The following EWSR1 variants were observed in gnomAD, a reference collection of about 807,000 sequenced individuals.
The protein encoded by EWSR1 is EWS RNA binding protein 1, also known as RNA-binding protein EWS.
EWSR1 carries 14 observed loss-of-function variants against 92.1 expected under a neutral mutation model. The observed-to-expected ratio is 0.15, with a 90% CI of 0.10 to 0.24. The LOEUF (loss-of-function observed/expected upper bound fraction) is 0.24. EWSR1 is among the 10% of genes least tolerant of loss of function. The probability of loss-of-function intolerance (pLI) is 1.00; values close to 1 mark genes in which losing one functional copy is unlikely to be tolerated. For synonymous variants in EWSR1, 303 were observed against 292.9 expected (o/e 1.03, Z -0.35); for missense variants, 637 against 870.9 (o/e 0.73, Z 3.38).
chr22:29,295,028 A>C (rs749367250), intron 11 of EWSR1, among the ~76,000 whole-genome samples: 12 of 151,898 alleles, frequency 7.9e-5, no homozygotes, highest in Non-Finnish European at 2.9e-5. Context: ...AAATGCTTTT[A>C]GTGTCTACTG....
intron 4 of EWSR1, chr22:29,276,035 T>G: frequency 4.3e-6 from 1 of 231,732 alleles, no homozygotes; most frequent in Non-Finnish European, 8.5e-6. Flanking sequence ...GGTTATTTAT[T>G]AACCCAGTGT....
rs550789565 is a variant in EWSR1 at position 29,299,442 on chromosome 22, C to G, written c.1678+111C>G. ...CCTCTGCTTAACAACTTTGAGTTGT[C>G]GTGTCCTCATTTCTAAATTGTCAGC... On this transcript the variant is annotated intron_variant, in intron 15 of 16. Transcript: ENST00000397938. 3 of 1,495,176 alleles carry G rather than the reference C, an allele frequency of 2.0e-6. No individual in the cohort carries two copies. In the East Asian group the frequency reaches 7.0e-5, roughly 35 times the overall value. The allele number at this position is 1,495,176 out of a possible 1,614,324, so 92.6% of individuals were successfully genotyped here. A position where few individuals can be genotyped will look rare whatever the true frequency, so the allele number is the denominator to read the frequency against.
At chr22:29,300,011 CCCCTT>C in intron 16 of EWSR1, 106 bp from the exon 17 acceptor site, 1 of 651,546 alleles carries the variant, frequency 1.5e-6, no homozygotes. Context: ...GGCTTCCTCA[CCCCTT>C]CCCATTCTAA....
In EWSR1 at chr22:29,278,195, C is replaced by A. The variant is rs200282253; in HGVS notation, c.392C>A (p.Pro131Gln). Residue 131 changes from proline to glutamine, a missense_variant, in exon 5 of 17, where the codon CCA (proline) becomes CAA (glutamine). Pro to Gln is a moderately conservative substitution (Grantham distance 76). Around this residue, in one of 5 missense-constraint regions of EWSR1, gnomAD observed 144 missense variants for 189.0 expected, o/e 0.76. Coordinates refer to ENST00000397938, the MANE Select transcript of EWSR1 (RefSeq NM_005243.4). ...GCTTATCCAGCCTATGGGCAGCAGC[C>A]AGCAGCCACTGCACCTACAAGGTAA... is the stretch of plus-strand genomic sequence containing the variant. Reference protein sequence around the residue: ...QPAYPAYGQQPAATAPTRPQD... With the variant: ...QPAYPAYGQQQAATAPTRPQD... 3.1e-6 allele frequency: 5 copies of A among 1,613,856 alleles called. No homozygotes were observed. Among genetic ancestry groups the A allele is most frequent in the Non-Finnish European group, 4.2e-6 (5 of 1,179,984 alleles).
chr22:29,277,495 G>C (rs2059214176), intron 4 of EWSR1: 1 of 226,760 alleles, frequency 4.4e-6, no homozygotes, highest in Non-Finnish European at 8.7e-6. Context: ...GTTAGTGCTT[G>C]GGACCAAAAG....
At chr22:29,274,245 T>A (rs2058928389) in intron 4 of EWSR1, 2 of 1,613,710 alleles carry the variant, frequency 1.2e-6, no homozygotes, top group East Asian at 2.2e-5. Flanking sequence ...CCTCTACTTT[T>A]TGTTTTGTGC....
chr22:29,288,418 C>T (rs1372505523), intron 7 of EWSR1, among the ~76,000 whole-genome samples, 188 bp from the exon 8 acceptor site: 1 of 152,156 alleles, frequency 6.6e-6, no homozygotes, highest in Non-Finnish European at 1.5e-5. Context: ...GTTATTTCAG[C>T]TGTGATGATC....
chr22:29,299,649 G>A lies in EWSR1; in HGVS notation c.1729G>A (p.Gly577Ser). The change falls in exon 16 of 17, where the codon GGC (glycine) becomes AGC (serine). Residue 577 changes from glycine to serine, a missense_variant. By Grantham distance (56) the Gly-to-Ser change is moderately conservative. Around this residue, in one of 5 missense-constraint regions of EWSR1, gnomAD observed 363 missense variants for 447.8 expected, o/e 0.81. Coordinates refer to ENST00000397938, the MANE Select transcript of EWSR1 (RefSeq NM_005243.4). Reference protein sequence around the residue: ...GPGGMRGGRGGLMDRGGPGGM... With the variant: ...GPGGMRGGRGSLMDRGGPGGM... ...TGGTGGCATGCGGGGAGGAAGAGGT[G>A]GCCTCATGGATCGTGGTGGTCCCGG... 3 of 1,610,342 alleles carry A rather than the reference G, an allele frequency of 1.9e-6. No individual in the cohort carries two copies. Among genetic ancestry groups the A allele is most frequent in the Non-Finnish European group, 1.7e-6 (2 of 1,178,098 alleles).
intron 11 of EWSR1, 93 bp from the exon 12 acceptor site, chr22:29,296,146 G>C: frequency 7.6e-7 from 1 of 1,315,040 alleles, no homozygotes; most frequent in South Asian, 1.4e-5. Flanking sequence ...TACTACATGT[G>C]AGAAATTGGT....
chr22:29,282,843 A>G (rs982868943), intron 6 of EWSR1, among the ~76,000 whole-genome samples: 19 of 149,638 alleles, frequency 1.3e-4, no homozygotes, highest in Admixed American at 6.7e-4. Context: ...GCTCACTGCA[A>G]GCTCCACCTC....
chr22:29,283,431 C>A (rs2059770865), intron 6 of EWSR1, among the ~76,000 whole-genome samples: 1 of 151,828 alleles, frequency 6.6e-6, no homozygotes, highest in African/African-American at 2.4e-5. Flanking sequence ...TCTCCGCTCA[C>A]TGCAACCTCT....
chr22:29,293,534 G>A (rs528788648), intron 11 of EWSR1, among the ~76,000 whole-genome samples: 4 of 152,134 alleles, frequency 2.6e-5, no homozygotes, highest in South Asian at 2.1e-4. Flanking sequence ...TTTTCCCCAT[G>A]AAGATTTTAT....
At chr22:29,288,549 C>G in intron 7 of EWSR1, 57 bp from the exon 8 acceptor site, 1 of 1,492,564 alleles carries the variant, frequency 6.7e-7, no homozygotes, top group Non-Finnish European at 9.0e-7. Flanking sequence ...GGAGAAAGTA[C>G]ATCAGGCAGT....
chr22:29,286,813 T>C (rs1429300672), intron 6 of EWSR1, 110 bp from the exon 7 acceptor site: 9 of 737,428 alleles, frequency 1.2e-5, no homozygotes, highest in South Asian at 7.3e-5. Flanking sequence ...AACTACTGTT[T>C]TATGGATGTC....
intron 16 of EWSR1, 95 bp downstream of exon 16, chr22:29,299,946 A>C: frequency 6.5e-7 from 1 of 1,539,416 alleles, no homozygotes; most frequent in African/African-American, 1.4e-5. Context: ...GTCTCTAGGA[A>C]GCTTGTGATA....
chr22:29,292,010 G>A lies in EWSR1; in HGVS notation c.1013-127G>A, dbSNP rs2060475594. 6.0e-6 allele frequency: 5 copies of A among 839,794 alleles called. No homozygotes were observed. The South Asian group carries it at 7.0e-5, about 12-fold the overall frequency. 52.0% of individuals were successfully genotyped at this position (839,794 alleles called of 1,614,324 possible). A position where few individuals can be genotyped will look rare whatever the true frequency, so the allele number is the denominator to read the frequency against. On this transcript the variant is annotated intron_variant, in intron 9 of 16. Transcript: ENST00000397938. The stretch of plus-strand genomic sequence containing the variant: ...AGACACTGCTCCATTTTAGCAGTGC[G>A]GGTCATTTTGAGTTTAATGAATCCC...
intron 5 of EWSR1, among the ~76,000 whole-genome samples, chr22:29,281,111 C>T (rs1419860269): frequency 6.6e-6 from 1 of 151,778 alleles, no homozygotes; most frequent in Non-Finnish European, 1.5e-5. Context: ...GATCTCCTGA[C>T]CTCGTGATCC....
intron 8 of EWSR1, 25 bp downstream of exon 8, chr22:29,288,811 T>G: frequency 6.5e-7 from 1 of 1,542,992 alleles, no homozygotes; most frequent in South Asian, 1.2e-5. Context: ...TTTCTCCTTT[T>G]ACCTAATTTT....
chr22:29,275,161 T>G (rs1190961212), intron 4 of EWSR1, among the ~76,000 whole-genome samples: 2 of 152,232 alleles, frequency 1.3e-5, no homozygotes, highest in African/African-American at 4.8e-5. Context: ...GGAACTAAGG[T>G]TATGCAGTTT....
Sources: gnomAD v4.1 joint callset for allele counts (sites outside exome capture counted in the v4.1 genomes callset) on GRCh38, gnomAD v4.1.1 for gene constraint, gnomAD v4.1.1 regional missense constraint, MANE v1.5 for transcripts, NCBI Gene and HGNC (gene_info 2026-07-23, HGNC 2026-07-21) for gene names.